The following IFNG-AS1 variants were observed in gnomAD, a reference collection of about 807,000 sequenced individuals.
The protein encoded by IFNG-AS1 is IFNG regulatory antisense RNA 1, also known as IFNG antisense RNA 1 (non-protein coding).
At chr12:68,000,493 C>A (rs1194180752) in intron 2 of IFNG-AS1, among the ~76,000 whole-genome samples, 1 of 151,906 alleles carries the variant, frequency 6.6e-6, no homozygotes, top group Non-Finnish European at 1.5e-5. Flanking sequence ...CATAGTGAGA[C>A]CCTATCTCTA....
chr12:68,012,072 T>C (rs1345210289), intron 3 of IFNG-AS1, among the ~76,000 whole-genome samples: 1 of 152,178 alleles, frequency 6.6e-6, no homozygotes, highest in African/African-American at 2.4e-5. Context: ...CTGAGCTCAG[T>C]AGTGTGGCAT....
rs139149720 is a variant in IFNG-AS1 at position 68,012,506 on chromosome 12, G to T, written n.241+6360G>T. ...TCCCTAAAATGAGGAGAGGAAAGGA[G>T]AGTAAAGGAATGAGAGGAGCACGTG... is the stretch of plus-strand genomic sequence containing the variant. On this transcript the variant is annotated intron_variant and non_coding_transcript_variant, in intron 3 of 5. Coordinates refer to ENST00000536914, the Ensembl canonical transcript of IFNG-AS1. Among the ~76,000 whole-genome samples the T allele has an allele frequency of 1.8e-3, 267 of 152,298 alleles. 1 individual carries two copies. The highest frequency in any genetic ancestry group is 2.5e-3 in the Non-Finnish European group (169 of 68,004).
At chr12:68,012,778 A>G (rs1005907141) in intron 3 of IFNG-AS1, among the ~76,000 whole-genome samples, 1 of 152,218 alleles carries the variant, frequency 6.6e-6, no homozygotes, top group Admixed American at 6.5e-5. Context: ...CATTTTAATT[A>G]AGGAAAGACG....
chr12:68,005,683 A>G (rs1879890505), intron 2 of IFNG-AS1, among the ~76,000 whole-genome samples: 1 of 152,174 alleles, frequency 6.6e-6, no homozygotes, highest in African/African-American at 2.4e-5. Context: ...TTGCCCTTAT[A>G]CTTGACAGGA....
intron 3 of IFNG-AS1, among the ~76,000 whole-genome samples, chr12:68,019,163 A>G (rs1880227329): frequency 6.6e-6 from 1 of 152,046 alleles, no homozygotes; most frequent in African/African-American, 2.4e-5. Context: ...AAAAATAGAA[A>G]CCTTTACAGC....
rs550548765 is a variant in IFNG-AS1 at position 67,990,835 on chromosome 12, G to A, written n.51+1256G>A. Among the ~76,000 whole-genome samples the A allele has an allele frequency of 3.5e-4, 53 of 152,036 alleles. 1 individual carries two copies. Among genetic ancestry groups the A allele is most frequent in the Middle Eastern group, 6.8e-3 (2 of 294 alleles). On this transcript the variant is annotated intron_variant and non_coding_transcript_variant, in intron 1 of 5. Transcript: ENST00000536914. ...TCTCAAACTCCTGACCTCGTGATCCGCCCGCCTCGGCCTCTCAAAGTGCTG... is the reference window on the plus strand; with the variant it reads ...TCTCAAACTCCTGACCTCGTGATCCACCCGCCTCGGCCTCTCAAAGTGCTG...
At chr12:68,005,364 G>T (rs1423655187) in intron 2 of IFNG-AS1, among the ~76,000 whole-genome samples, 6 of 152,156 alleles carry the variant, frequency 3.9e-5, no homozygotes, top group Non-Finnish European at 5.9e-5. Flanking sequence ...GATACAGCAT[G>T]TAGAAATGCG....
chr12:68,015,482 C>T (rs1421377795), intron 3 of IFNG-AS1, among the ~76,000 whole-genome samples: 1 of 152,136 alleles, frequency 6.6e-6, no homozygotes, highest in Non-Finnish European at 1.5e-5. Context: ...TTCACCTTCT[C>T]ATCTCCTCAT....
intron 3 of IFNG-AS1, among the ~76,000 whole-genome samples, chr12:68,015,922 T>A (rs996498874): frequency 6.9e-6 from 1 of 145,120 alleles, no homozygotes; most frequent in Non-Finnish European, 1.5e-5. Context: ...TGCCTCCATT[T>A]TCCTATCTGA....
chr12:67,995,148 G>T (rs1879605966), intron 1 of IFNG-AS1, among the ~76,000 whole-genome samples: 1 of 152,058 alleles, frequency 6.6e-6, no homozygotes, highest in South Asian at 2.1e-4. Context: ...GGTGGGCTGA[G>T]AGTGGTGGCT....
At chr12:67,998,978 A>G (rs1229280510) in intron 2 of IFNG-AS1, among the ~76,000 whole-genome samples, 1 of 152,190 alleles carries the variant, frequency 6.6e-6, no homozygotes, top group Non-Finnish European at 1.5e-5. Context: ...TTGGATAACA[A>G]GAGGGAGATT....
chr12:68,007,718 A>G (rs1202504744), intron 3 of IFNG-AS1, among the ~76,000 whole-genome samples: 3 of 152,202 alleles, frequency 2.0e-5, no homozygotes, highest in Non-Finnish European at 4.4e-5. Flanking sequence ...AAACCTCTAT[A>G]TTTACACAAT....
intron 2 of IFNG-AS1, among the ~76,000 whole-genome samples, chr12:68,000,129 T>G (rs1249697889): frequency 2.0e-5 from 3 of 152,208 alleles, no homozygotes; most frequent in African/African-American, 7.2e-5. Context: ...AGTTTCTTGA[T>G]TTTGAAAATT....
chr12:67,992,503 C>T (rs1592817983), intron 1 of IFNG-AS1, among the ~76,000 whole-genome samples: 1 of 152,196 alleles, frequency 6.6e-6, no homozygotes, highest in Non-Finnish European at 1.5e-5. Flanking sequence ...TATATAACTG[C>T]TCTGTCCTTT....
At chr12:68,015,675 T>A (rs1880135396) in intron 3 of IFNG-AS1, among the ~76,000 whole-genome samples, 1 of 151,876 alleles carries the variant, frequency 6.6e-6, no homozygotes, top group South Asian at 2.1e-4. Context: ...ATGTTTATAG[T>A]AAAAATAAAA....
chr12:68,004,134 T>A (rs1879852846), intron 2 of IFNG-AS1, among the ~76,000 whole-genome samples: 1 of 152,168 alleles, frequency 6.6e-6, no homozygotes, highest in Admixed American at 6.5e-5. Flanking sequence ...CTTCAAATAC[T>A]ACTTCAAATA....
intron 4 of IFNG-AS1, chr12:68,021,184 T>A (rs930010270): frequency 6.6e-6 from 1 of 152,182 alleles, no homozygotes; most frequent in Non-Finnish European, 1.5e-5. Flanking sequence ...TATATATACA[T>A]AGTTTGTTTT....
intron 2 of IFNG-AS1, among the ~76,000 whole-genome samples, chr12:67,997,300 A>G (rs564728892): frequency 6.6e-6 from 1 of 152,128 alleles, no homozygotes; most frequent in East Asian, 1.9e-4. Flanking sequence ...ATGACTAGGC[A>G]AACGAACTGA....
chr12:68,010,545 A>G (rs1353035166), intron 3 of IFNG-AS1, among the ~76,000 whole-genome samples: 1 of 152,154 alleles, frequency 6.6e-6, no homozygotes, highest in Admixed American at 6.5e-5. Flanking sequence ...AGCATCTCAT[A>G]ACATGCTGCC....
Sources: gnomAD v4.1 joint callset for allele counts (sites outside exome capture counted in the v4.1 genomes callset) on GRCh38, gnomAD v4.1.1 for gene constraint, MANE v1.5 for transcripts, NCBI Gene and HGNC (gene_info 2026-07-23, HGNC 2026-07-21) for gene names.